Variants in ANTXR1 observed in about 807,000 individuals in gnomAD.
The protein encoded by ANTXR1 is anthrax toxin receptor 1.
A neutral mutation model predicts 78.1 loss-of-function variants in ANTXR1; 19 were observed. That is an observed-to-expected ratio of 0.24 (90% confidence interval 0.17 to 0.36). ANTXR1 has a LOEUF of 0.36. Ranked by LOEUF, ANTXR1 falls within the 10% of genes least tolerant of loss-of-function variation. The pLI, the probability that ANTXR1 is intolerant of heterozygous loss-of-function variation, is 1.00. For missense variants in ANTXR1, 518 were observed against 718.6 expected, an observed-to-expected ratio of 0.72 and a Z score of 3.19; for synonymous variants, 273 against 260.5, an observed-to-expected ratio of 1.05 and a Z score of -0.46.
At chr2:69,119,745 TTAGA>T (rs1672283061) in intron 10 of ANTXR1, among the ~76,000 whole-genome samples, 1 of 152,234 alleles carries the variant, frequency 6.6e-6, no homozygotes, top group South Asian at 2.1e-4. Flanking sequence ...TTATAGCCTA[TTAGA>T]TAATCATGCA....
chr2:69,223,735 T>G (rs960832528), intron 17 of ANTXR1, among the ~76,000 whole-genome samples: 1 of 152,246 alleles, frequency 6.6e-6, no homozygotes, highest in African/African-American at 2.4e-5. Flanking sequence ...CTAGATTCTT[T>G]AAATCAGAAT....
chr2:69,180,101 C>T (rs1176858646), intron 14 of ANTXR1, among the ~76,000 whole-genome samples: 1 of 152,246 alleles, frequency 6.6e-6, no homozygotes, highest in African/African-American at 2.4e-5. Context: ...CCATCCCAAG[C>T]ACAACATGTA....
At chr2:69,231,785 G>T (rs1675604430) in intron 17 of ANTXR1, among the ~76,000 whole-genome samples, 1 of 152,110 alleles carries the variant, frequency 6.6e-6, no homozygotes, top group African/African-American at 2.4e-5. Flanking sequence ...TTCTTACATG[G>T]AGGCTCAGGG....
At chr2:69,151,678 A>G (rs968207154) in intron 12 of ANTXR1, among the ~76,000 whole-genome samples, 2 of 152,134 alleles carry the variant, frequency 1.3e-5, no homozygotes, top group Non-Finnish European at 2.9e-5. Context: ...AAGGCATCCC[A>G]TCAGCAGGCT....
chr2:69,184,063 T>TCACA (rs5831966), intron 16 of ANTXR1, among the ~76,000 whole-genome samples: 4 of 149,832 alleles, frequency 2.7e-5, no homozygotes, highest in Non-Finnish European at 4.5e-5. Flanking sequence ...ATACACACAC[T>TCACA]CACACACACA....
At chr2:69,218,161 C>T (rs904741113) in intron 17 of ANTXR1, among the ~76,000 whole-genome samples, 1 of 152,156 alleles carries the variant, frequency 6.6e-6, no homozygotes, top group Non-Finnish European at 1.5e-5. Context: ...GTTCATTCTC[C>T]TGGCCCTCGT....
intron 17 of ANTXR1, among the ~76,000 whole-genome samples, chr2:69,214,240 G>C (rs1369737420): frequency 6.6e-6 from 1 of 152,228 alleles, no homozygotes; most frequent in Non-Finnish European, 1.5e-5. Flanking sequence ...CCTGCAAGCT[G>C]TATCACTTCC....
rs543815555 is a variant in ANTXR1 at position 69,098,166 on chromosome 2, CTG to C, written c.704-4673_704-4672del. On this transcript the variant is annotated intron_variant, in intron 9 of 17. Coordinates refer to ENST00000303714, the MANE Select transcript of ANTXR1 (RefSeq NM_032208.3). The stretch of plus-strand genomic sequence containing the variant: ...GTGACAGCTACGCTCACTGTCTTGA[CTG>C]TGGTATTATGATTGTGTACATATGT... Among the ~76,000 whole-genome samples the C allele has an allele frequency of 3.4e-3, 513 of 152,310 alleles. 2 individuals carry two copies. Among genetic ancestry groups the C allele is most frequent in the Non-Finnish European group, 5.3e-3 (363 of 68,030 alleles).
At position 69,245,447 on chromosome 2, in the gene ANTXR1, C is replaced by A. The variant is rs759249339; in HGVS notation, c.1657C>A (p.Pro553Thr). 3 of 1,610,504 alleles carry A rather than the reference C, an allele frequency of 1.9e-6. No individual in the cohort carries two copies. Among genetic ancestry groups the A allele is most frequent in the East Asian group, 2.2e-5 (1 of 44,680 alleles). ...PPQAPPPNRA[P>T]PPSRPPPRPS... Reference sequence around the variant, plus strand: ...CCAGGCTCCACCTCCCAACAGGGCACCTCCTCCCTCCCGCCCTCCTCCAAG... The same window carrying A: ...CCAGGCTCCACCTCCCAACAGGGCAACTCCTCCCTCCCGCCCTCCTCCAAG... Residue 553 changes from proline (P) to threonine (T), a missense_variant, in exon 18 of 18, where the codon CCT becomes ACT. By Grantham distance (38) the Pro-to-Thr change is conservative. This residue lies in a region of ANTXR1 where 192 missense variants were observed against 230.2 expected (regional missense o/e 0.83). Coordinates refer to ENST00000303714, the MANE Select transcript of ANTXR1 (RefSeq NM_032208.3).
At chr2:69,174,365 C>G (rs1418259492) in intron 14 of ANTXR1, among the ~76,000 whole-genome samples, 1 of 152,204 alleles carries the variant, frequency 6.6e-6, no homozygotes, top group Non-Finnish European at 1.5e-5. Context: ...GGGCCAGGTA[C>G]AGTGGCTCAT....
intron 1 of ANTXR1, among the ~76,000 whole-genome samples, chr2:69,022,103 A>G (rs936013223): frequency 2.0e-5 from 3 of 152,198 alleles, no homozygotes; most frequent in African/African-American, 4.8e-5. Flanking sequence ...CTCTTTTTCC[A>G]TAGTTTATGG....
chr2:69,143,456 T>C (rs1673127338), intron 12 of ANTXR1, among the ~76,000 whole-genome samples: 1 of 152,088 alleles, frequency 6.6e-6, no homozygotes, highest in African/African-American at 2.4e-5. Flanking sequence ...GTGAGTTCAG[T>C]GTGAACGGTT....
In ANTXR1 at chr2:69,174,634, AAGAG is replaced by A. The variant is rs368930080; in HGVS notation, c.1089+4358_1089+4361del. On this transcript the variant is annotated intron_variant, in intron 14 of 17. Transcript: ENST00000303714. ...AGCAAGACTCTATCTCAAAAAAAAA[AAGAG>A]AGAGAGAGAGAGTGTAACTGGACAT... Among the ~76,000 whole-genome samples, 314 of 151,752 alleles carry A rather than the reference AAGAG, an allele frequency of 2.1e-3. 2 individuals carry two copies. The highest frequency in any genetic ancestry group is 6.8e-3 in the Middle Eastern group (2 of 294).
intron 17 of ANTXR1, among the ~76,000 whole-genome samples, chr2:69,195,124 C>T (rs1674638563): frequency 6.6e-6 from 1 of 150,886 alleles, no homozygotes; most frequent in African/African-American, 2.5e-5. Flanking sequence ...GTGGAAATTG[C>T]ACCACTGCAC....
At chr2:69,215,917 C>T (rs1285354995) in intron 17 of ANTXR1, among the ~76,000 whole-genome samples, 1 of 152,150 alleles carries the variant, frequency 6.6e-6, no homozygotes, top group African/African-American at 2.4e-5. Flanking sequence ...GATATCACCA[C>T]TGAGAAAATG....
chr2:69,139,455 A>T (rs1205256817), intron 12 of ANTXR1, among the ~76,000 whole-genome samples: 1 of 152,254 alleles, frequency 6.6e-6, no homozygotes, highest in African/African-American at 2.4e-5. Context: ...GTTGATGTCT[A>T]TCTTTCTATG....
chr2:69,057,933 G>A (rs570079903), intron 3 of ANTXR1, among the ~76,000 whole-genome samples: 2 of 152,282 alleles, frequency 1.3e-5, no homozygotes, highest in African/African-American at 4.8e-5. Flanking sequence ...CCTTATTGCC[G>A]ATTTTAGTGG....
intron 7 of ANTXR1, chr2:69,077,145 C>A: frequency 1.9e-5 from 10 of 537,676 alleles, no homozygotes; most frequent in Non-Finnish European, 1.0e-5. Context: ...TCAAGCTGGG[C>A]GCTCTTACCT....
intron 6 of ANTXR1, among the ~76,000 whole-genome samples, chr2:69,074,059 C>A (rs1321381548): frequency 6.6e-6 from 1 of 152,170 alleles, no homozygotes; most frequent in Non-Finnish European, 1.5e-5. Flanking sequence ...TGACCATTTG[C>A]TAGAAACTAG....
Sources: gnomAD v4.1 joint callset for allele counts (sites outside exome capture counted in the v4.1 genomes callset) on GRCh38, gnomAD v4.1.1 for gene constraint, gnomAD v4.1.1 regional missense constraint, MANE v1.5 for transcripts, NCBI Gene and HGNC (gene_info 2026-07-23, HGNC 2026-07-21) for gene names.